Variants in ADH1C observed in about 807,000 individuals in gnomAD.
ADH1C encodes the protein alcohol dehydrogenase 1C (class I), gamma polypeptide.
A neutral mutation model predicts 35.0 loss-of-function variants in ADH1C; 26 were observed. The observed-to-expected ratio is 0.74, with a 90% CI of 0.54 to 1.03. The LOEUF (loss-of-function observed/expected upper bound fraction) is 1.03, where lower values mean the gene tolerates loss of function less well. Among genes scored for constraint, ADH1C ranks in the 50% least tolerant of loss-of-function variants. The pLI is 0.00. For missense variants in ADH1C, 413 were observed against 465.4 expected (o/e 0.89, Z 1.04); for synonymous variants, 170 against 169.3 (o/e 1.00, Z -0.03).
intron 6 of ADH1C, among the ~76,000 whole-genome samples, chr4:99,341,812 T>C (rs1476071790): frequency 6.6e-6 from 1 of 152,148 alleles, no homozygotes; most frequent in Non-Finnish European, 1.5e-5. Context: ...AATTCAAAGA[T>C]GACATAAGCA....
At chr4:99,339,512 GC>G (rs5860576) in intron 8 of ADH1C, 64 bp downstream of exon 8, 83,604 of 743,016 alleles carry the variant, frequency 0.11, 10,627 homozygotes, top group Admixed American at 0.38. Flanking sequence ...GCTAGACAAC[GC>G]CCCCCCCCCC....
In ADH1C at chr4:99,345,017, T is replaced by C. The variant is rs1270646675; in HGVS notation, c.412A>G (p.Ile138Val). The change falls in exon 5 of 9, where the codon ATC (isoleucine) becomes GTC (valine). Residue 138 changes from isoleucine to valine, a missense_variant. Transcript: ENST00000515683. The stretch of plus-strand genomic sequence containing the variant: ...GTGCTGACGCCGACGAAGTGGTGGA[T>C]GGGCTTCCCGCTGCAGGTGAACCTC... ...TRRFTCSGKP[I>V]HHFVGVSTFS... 5.0e-6 allele frequency: 8 copies of C among 1,614,208 alleles called. No individual in the cohort carries two copies. The highest frequency in any genetic ancestry group is 5.9e-6 in the Non-Finnish European group (7 of 1,180,042).
intron 2 of ADH1C, 146 bp from the exon 3 acceptor site, chr4:99,347,290 T>A: frequency 1.0e-6 from 1 of 1,002,328 alleles, no homozygotes; most frequent in Non-Finnish European, 1.4e-6. Context: ...TATGAAAGAT[T>A]CAGTTTATCT....
At chr4:99,339,187 C>G (rs1560535723) in intron 8 of ADH1C, among the ~76,000 whole-genome samples, 1 of 152,062 alleles carries the variant, frequency 6.6e-6, no homozygotes, top group Non-Finnish European at 1.5e-5. Context: ...AATATACAAT[C>G]ATTAGATGTC....
intron 2 of ADH1C, 79 bp downstream of exon 2, chr4:99,347,666 G>T: frequency 1.5e-6 from 2 of 1,318,648 alleles, no homozygotes; most frequent in South Asian, 1.6e-5. Flanking sequence ...ACCTCTAGTG[G>T]ATTTTGGATG....
At chr4:99,342,127 G>A (rs940012011) in intron 6 of ADH1C, among the ~76,000 whole-genome samples, 3 of 152,194 alleles carry the variant, frequency 2.0e-5, no homozygotes, top group African/African-American at 7.2e-5. Flanking sequence ...TACATGCATT[G>A]TCTCATGCGT....
rs78113489 is a variant in ADH1C at position 99,343,011 on chromosome 4, G to A, written c.612C>T (p.Val204=). The A allele has an allele frequency of 4.2e-4, 685 of 1,614,132 alleles. No individual in the cohort carries two copies. The highest frequency in any genetic ancestry group is 4.4e-4 in the Non-Finnish European group (518 of 1,180,028). Residue 204 remains valine, a synonymous_variant, in exon 6 of 9, where the codon GTC becomes GTT. Coordinates refer to ENST00000515683, the MANE Select transcript of ADH1C (RefSeq NM_000669.5). ...TACAGCCCATAACAACAGATAGGCC[G>A]ACCCCTCCCAGGCCAAACACAGCAC... The part of the protein sequence containing the change: ...STCAVFGLGG[V]GLSVVMGCKA...
At chr4:99,338,765 C>A (rs1342236131) in intron 8 of ADH1C, among the ~76,000 whole-genome samples, 1 of 149,634 alleles carries the variant, frequency 6.7e-6, no homozygotes. Flanking sequence ...TTCAAAGAAA[C>A]ACTATTTGAA....
At chr4:99,348,433 A>C (rs1294578575) in intron 1 of ADH1C, among the ~76,000 whole-genome samples, 1 of 151,820 alleles carries the variant, frequency 6.6e-6, no homozygotes, top group Non-Finnish European at 1.5e-5. Context: ...AGCTTCATCC[A>C]TGTCCCTACA....
Position 99,336,609 on chromosome 4 carries a change from C to T in ADH1C, c.*143G>A. On this transcript the variant is annotated 3_prime_UTR_variant, in exon 9 of 9. Coordinates refer to ENST00000515683, the MANE Select transcript of ADH1C (RefSeq NM_000669.5). The stretch of plus-strand genomic sequence containing the variant: ...TTGACAAATAATTTCCCATCAATTT[C>T]CATTTCTTTGGAAAGCTCCCACGTG... 9.9e-7 allele frequency: 1 copy of T among 1,009,264 alleles called. No homozygotes were observed. Among genetic ancestry groups the T allele is most frequent in the Non-Finnish European group, 1.5e-6 (1 of 675,944 alleles). 62.5% of individuals were successfully genotyped at this position (1,009,264 alleles called of 1,614,324 possible). A position where few individuals can be genotyped will look rare whatever the true frequency, so the allele number is the denominator to read the frequency against.
chr4:99,345,097 C>G lies in ADH1C; in HGVS notation c.348-16G>C, dbSNP rs1734500452. Reference sequence around the variant, plus strand: ...ATTGCCTAGACTGGGCAGTGCAATACAAAGACACACAAAGGCATGAGACAG... The same window carrying G: ...ATTGCCTAGACTGGGCAGTGCAATAGAAAGACACACAAAGGCATGAGACAG... On this transcript the variant is annotated splice_polypyrimidine_tract_variant and intron_variant, in intron 4 of 8. Coordinates refer to ENST00000515683, the MANE Select transcript of ADH1C (RefSeq NM_000669.5). The G allele has an allele frequency of 1.2e-6, 2 of 1,614,164 alleles. No individual in the cohort carries two copies. Among genetic ancestry groups the G allele is most frequent in the Non-Finnish European group, 1.7e-6 (2 of 1,180,016 alleles).
In ADH1C at chr4:99,340,612, T is replaced by C; in HGVS notation, c.927A>G (p.Leu309=). 6.2e-7 allele frequency: 1 copy of C among 1,614,126 alleles called. No homozygotes were observed. The highest frequency in any genetic ancestry group is 8.5e-7 in the Non-Finnish European group (1 of 1,180,018). The change falls in exon 7 of 9, where the codon CTA becomes CTG. Residue 309 remains leucine, a synonymous_variant. Transcript: ENST00000515683. ...SQNLSINPML[L]LTGRTWKGAI... is the part of the protein sequence containing the mutation. ...CTCCTTTCCACGTGCGTCCAGTCAG[T>C]AGCAGCATAGGGTTTATTGAGAGGT... is the stretch of plus-strand genomic sequence containing the variant.
chr4:99,351,932 G>T (rs1734687867), intron 1 of ADH1C, among the ~76,000 whole-genome samples: 1 of 152,164 alleles, frequency 6.6e-6, no homozygotes, highest in South Asian at 2.1e-4. Context: ...AAATATTTGT[G>T]TTCTGAGTGC....
intron 3 of ADH1C, among the ~76,000 whole-genome samples, chr4:99,345,508 A>T (rs540472967): frequency 6.6e-6 from 1 of 152,374 alleles, no homozygotes; most frequent in African/African-American, 2.4e-5. Flanking sequence ...GGATTAAAAA[A>T]ATTCCATCAA....
At chr4:99,338,393 T>TTTTATATATATATATATATATATA (rs1334509876) in intron 8 of ADH1C, among the ~76,000 whole-genome samples, 1 of 73,090 alleles carries the variant, frequency 1.4e-5, no homozygotes, top group Non-Finnish European at 2.7e-5. Context: ...GAATACTGTT[T>TTTTATATATATATATATATATATA]TCTATATATA....
At chr4:99,339,512 G>GCT (rs1203375085) in intron 8 of ADH1C, 65 bp downstream of exon 8, 1 of 687,672 alleles carries the variant, frequency 1.5e-6, no homozygotes, top group African/African-American at 2.0e-5. Context: ...GCTAGACAAC[G>GCT]CCCCCCCCCC....
At chr4:99,342,555 TA>T (rs748731279) in intron 6 of ADH1C, among the ~76,000 whole-genome samples, 1 of 152,044 alleles carries the variant, frequency 6.6e-6, no homozygotes. Flanking sequence ...GTGGCTGTGT[TA>T]AAAAAAACAA....
chr4:99,347,191 G>C (rs1301320713), intron 2 of ADH1C, 47 bp from the exon 3 acceptor site: 3 of 1,584,224 alleles, frequency 1.9e-6, no homozygotes, highest in Non-Finnish European at 2.6e-6. Context: ...GATTATGACT[G>C]TCAGATGGAC....
At chr4:99,337,997 GATT>G (rs1734315205) in intron 8 of ADH1C, among the ~76,000 whole-genome samples, 1 of 151,782 alleles carries the variant, frequency 6.6e-6, no homozygotes, top group African/African-American at 2.4e-5. Context: ...TGTTTGAGTT[GATT>G]ATTTCTATAG....
Sources: gnomAD v4.1 joint callset for allele counts (sites outside exome capture counted in the v4.1 genomes callset) on GRCh38, gnomAD v4.1.1 for gene constraint, MANE v1.5 for transcripts, NCBI Gene and HGNC (gene_info 2026-07-23, HGNC 2026-07-21) for gene names.